Variants in LSAMP observed in about 807,000 individuals in gnomAD.
LSAMP encodes limbic system associated membrane protein, also known as limbic system-associated membrane protein.
LSAMP carries 7 observed loss-of-function variants against 38.6 expected under a neutral mutation model. The ratio of observed to expected loss-of-function variants is 0.18; its 90% CI spans 0.10 to 0.34. The LOEUF is 0.34. Among genes scored for constraint, LSAMP ranks in the 10% least tolerant of loss-of-function variants. LSAMP has a pLI of 1.00. For synonymous variants in LSAMP, 154 were observed against 166.8 expected, an observed-to-expected ratio of 0.92 and a Z score of 0.59; for missense variants, 313 against 420.0, an observed-to-expected ratio of 0.75 and a Z score of 2.23.
intron 1 of LSAMP, among the ~76,000 whole-genome samples, chr3:116,114,304 A>G (rs565376551): frequency 1.3e-5 from 2 of 152,310 alleles, no homozygotes; most frequent in African/African-American, 2.4e-5. Context: ...CACATCCTGT[A>G]TCTCAAAGCT....
intron 1 of LSAMP, among the ~76,000 whole-genome samples, chr3:116,262,331 T>C (rs1395892795): frequency 1.3e-5 from 2 of 152,174 alleles, no homozygotes; most frequent in African/African-American, 4.8e-5. Context: ...AAACAATAGA[T>C]CCTAGACTGT....
intron 3 of LSAMP, among the ~76,000 whole-genome samples, chr3:115,956,842 G>A (rs929651069): frequency 6.6e-6 from 1 of 152,016 alleles, no homozygotes; most frequent in Non-Finnish European, 1.5e-5. Flanking sequence ...GTGTTCAAGG[G>A]TTTCTTGGAT....
At chr3:116,197,213 G>A (rs976721783) in intron 1 of LSAMP, among the ~76,000 whole-genome samples, 1 of 150,508 alleles carries the variant, frequency 6.6e-6, no homozygotes, top group Non-Finnish European at 1.5e-5. Flanking sequence ...CCCACTCCCT[G>A]TTGTAACCTT....
chr3:116,401,102 C>A (rs1008824355), intron 1 of LSAMP, among the ~76,000 whole-genome samples: 1 of 152,136 alleles, frequency 6.6e-6, no homozygotes, highest in African/African-American at 2.4e-5. Flanking sequence ...AGGATATGAG[C>A]CAGATAAGGG....
At chr3:116,113,209 C>G (rs771220104) in intron 1 of LSAMP, among the ~76,000 whole-genome samples, 2 of 150,966 alleles carry the variant, frequency 1.3e-5, no homozygotes, top group Non-Finnish European at 2.9e-5. Context: ...AATAGACATT[C>G]AGAATTTTTT....
At chr3:116,430,988 C>T (rs979668018) in intron 1 of LSAMP, among the ~76,000 whole-genome samples, 4 of 151,670 alleles carry the variant, frequency 2.6e-5, no homozygotes, top group African/African-American at 9.7e-5. Flanking sequence ...ACATAAATAA[C>T]TTTTTTTTAA....
intron 1 of LSAMP, among the ~76,000 whole-genome samples, chr3:116,293,166 A>G (rs986773884): frequency 2.6e-5 from 4 of 152,126 alleles, no homozygotes; most frequent in Non-Finnish European, 5.9e-5. Context: ...TGGTTCTGCT[A>G]CCAAGGTGAT....
At chr3:116,355,352 C>T (rs1401884293) in intron 1 of LSAMP, among the ~76,000 whole-genome samples, 4 of 152,120 alleles carry the variant, frequency 2.6e-5, no homozygotes, top group Non-Finnish European at 5.9e-5. Context: ...ACAATCTCTT[C>T]AATAAATGGT....
At chr3:116,011,283 T>C (rs2107675779) in intron 3 of LSAMP, among the ~76,000 whole-genome samples, 1 of 152,314 alleles carries the variant, frequency 6.6e-6, no homozygotes, top group East Asian at 1.9e-4. Context: ...GTTTTATTAA[T>C]TTTACGATGT....
At chr3:116,105,306 CA>C (rs1470968006) in intron 1 of LSAMP, among the ~76,000 whole-genome samples, 2 of 152,162 alleles carry the variant, frequency 1.3e-5, no homozygotes, top group East Asian at 3.9e-4. Flanking sequence ...CTAACTGCCG[CA>C]AAGACCTTCC....
chr3:116,204,977 G>A (rs9758298), intron 1 of LSAMP, among the ~76,000 whole-genome samples: 66,301 of 138,238 alleles, frequency 0.48, 18,112 homozygotes, highest in East Asian at 0.72. Context: ...CATTGAATCT[G>A]TAAATTACCT....
At chr3:116,311,002 A>G (rs1371420439) in intron 1 of LSAMP, among the ~76,000 whole-genome samples, 1 of 151,580 alleles carries the variant, frequency 6.6e-6, no homozygotes, top group Admixed American at 6.6e-5. Flanking sequence ...CATACTACGT[A>G]GTTTTATAGA....
chr3:116,045,983 A>C (rs1274796052), intron 2 of LSAMP, among the ~76,000 whole-genome samples: 1 of 152,120 alleles, frequency 6.6e-6, no homozygotes, highest in African/African-American at 2.4e-5. Context: ...GAAAGTCTTT[A>C]CTCCACTTAC....
chr3:116,439,503 T>C (rs980652380), intron 1 of LSAMP, among the ~76,000 whole-genome samples: 1 of 150,118 alleles, frequency 6.7e-6, no homozygotes, highest in Non-Finnish European at 1.5e-5. Context: ...TAGCAAGCCC[T>C]CCACATACAC....
Position 116,089,872 on chromosome 3 carries a change from G to A in LSAMP, c.156-3316C>T, listed in dbSNP as rs73139197. 3.1e-3 allele frequency among the ~76,000 whole-genome samples: 471 copies of A among 152,098 alleles called. 4 individuals carry two copies. The highest frequency in any genetic ancestry group is 0.025 in the East Asian group (131 of 5,182). ...AGGGTTCCTTTTTATGTACTCAGTA[G>A]TTGCAAAATAAATCTATTAGCTCTA... On this transcript the variant is annotated intron_variant, in intron 1 of 6. Coordinates refer to ENST00000490035, the MANE Select transcript of LSAMP (RefSeq NM_002338.5).
At chr3:116,391,587 C>T (rs2902854) in intron 1 of LSAMP, among the ~76,000 whole-genome samples, 10 of 151,696 alleles carry the variant, frequency 6.6e-5, no homozygotes, top group East Asian at 2.0e-4. Flanking sequence ...AAGCAGGGCG[C>T]GGGGGTGGCA....
chr3:116,209,003 C>T (rs2046112501), intron 1 of LSAMP, among the ~76,000 whole-genome samples: 3 of 152,212 alleles, frequency 2.0e-5, no homozygotes, highest in Non-Finnish European at 2.9e-5. Context: ...CGGAGCCTCG[C>T]TGCCGCCTTG....
intron 1 of LSAMP, among the ~76,000 whole-genome samples, chr3:116,238,839 A>G (rs951989100): frequency 1.5e-5 from 2 of 130,958 alleles, no homozygotes; most frequent in African/African-American, 5.3e-5. Flanking sequence ...AAATGAAATA[A>G]TGACATGGTT....
At chr3:116,336,220 GA>G (rs1357362168) in intron 1 of LSAMP, among the ~76,000 whole-genome samples, 1 of 151,952 alleles carries the variant, frequency 6.6e-6, no homozygotes, top group Non-Finnish European at 1.5e-5. Context: ...TCTTGGCTAT[GA>G]CACCAAAGGC....
Sources: gnomAD v4.1 joint callset for allele counts (sites outside exome capture counted in the v4.1 genomes callset) on GRCh38, gnomAD v4.1.1 for gene constraint, MANE v1.5 for transcripts, NCBI Gene and HGNC (gene_info 2026-07-23, HGNC 2026-07-21) for gene names.